CDKN2B-AS1: variants seen among roughly 807,000 people sequenced by gnomAD.
CDKN2B-AS1 encodes the protein CDKN2B and CDKN2A antisense cis and trans regulatory RNA 1.
rs75348903 is a variant in CDKN2B-AS1 at position 22,123,818 on chromosome 9, G to T, written n.439-3285G>T. On this transcript the variant is annotated intron_variant and non_coding_transcript_variant, in intron 4 of 4. Coordinates refer to ENST00000650946, the Ensembl canonical transcript of CDKN2B-AS1. The stretch of plus-strand genomic sequence containing the variant: ...GAGTGAGGAAGATTTAAAACAAATG[G>T]AGAAGACATTCTAAAATCAACTACA... Among the ~76,000 whole-genome samples the T allele has an allele frequency of 4.2e-3, 637 of 152,248 alleles. 10 individuals carry two copies. The highest frequency in any genetic ancestry group is 0.015 in the African/African-American group (603 of 41,558).
intron 4 of CDKN2B-AS1, among the ~76,000 whole-genome samples, chr9:22,079,860 G>A (rs556211990): frequency 1.5e-4 from 23 of 152,124 alleles, no homozygotes; most frequent in Non-Finnish European, 2.6e-4. Context: ...GTCACACTTC[G>A]TTGAAAACCT....
intron 4 of CDKN2B-AS1, among the ~76,000 whole-genome samples, chr9:22,123,336 C>T (rs992408954): frequency 1.3e-5 from 2 of 152,118 alleles, no homozygotes; most frequent in Non-Finnish European, 2.9e-5. Flanking sequence ...TTTGGATGTC[C>T]TTTATTTCTT....
intron 1 of CDKN2B-AS1, among the ~76,000 whole-genome samples, chr9:22,032,273 GA>G (rs1289234973): frequency 6.6e-6 from 1 of 152,166 alleles, no homozygotes; most frequent in African/African-American, 2.4e-5. Flanking sequence ...AGTTCTGATA[GA>G]ATTGTGACTT....
At position 21,999,653 on chromosome 9, in the gene CDKN2B-AS1, G is replaced by A. The variant is rs756676787; in HGVS notation, n.29+4492G>A. On this transcript the variant is annotated intron_variant and non_coding_transcript_variant, in intron 1 of 4. Coordinates refer to ENST00000650946, the Ensembl canonical transcript of CDKN2B-AS1. The surrounding 1 kb of genome is among the most constrained non-coding windows in gnomAD (Gnocchi z 4.7). ...ATAACTTGTATAAGTATGCAGAAAT[G>A]TTTCTTTATAGCAGTGTGTATTAGC... 6.6e-6 allele frequency among the ~76,000 whole-genome samples: 1 copy of A among 152,136 alleles called. No homozygotes were observed. The highest frequency in any genetic ancestry group is 1.5e-5 in the Non-Finnish European group (1 of 67,992).
At chr9:22,098,155 C>CTGTG (rs1414494905) in intron 4 of CDKN2B-AS1, among the ~76,000 whole-genome samples, 3 of 132,618 alleles carry the variant, frequency 2.3e-5, no homozygotes, top group African/African-American at 1.2e-4. Flanking sequence ...CTCTCTCTGT[C>CTGTG]TCTGTGTGTG....
chr9:22,017,813 A>C (rs1212899208), intron 1 of CDKN2B-AS1, among the ~76,000 whole-genome samples: 1 of 146,188 alleles, frequency 6.8e-6, no homozygotes, highest in African/African-American at 2.7e-5. Flanking sequence ...ATTGCATGCA[A>C]AGAGGTGTTG....
intron 4 of CDKN2B-AS1, among the ~76,000 whole-genome samples, chr9:22,106,695 C>A (rs879504204): frequency 6.6e-6 from 1 of 152,150 alleles, no homozygotes; most frequent in African/African-American, 2.4e-5. Context: ...TAGTGAGGTA[C>A]ATAACTGGGG....
At chr9:22,106,742 GT>G (rs1825670555) in intron 4 of CDKN2B-AS1, among the ~76,000 whole-genome samples, 1 of 152,116 alleles carries the variant, frequency 6.6e-6, no homozygotes, top group South Asian at 2.1e-4. Context: ...TGCTTTTTTA[GT>G]TATTAATAGT....
At chr9:22,013,344 T>C (rs1821595944) in intron 1 of CDKN2B-AS1, among the ~76,000 whole-genome samples, 1 of 152,254 alleles carries the variant, frequency 6.6e-6, no homozygotes, top group Admixed American at 6.5e-5. Flanking sequence ...TTTTCATTTC[T>C]TTTTAAACTG....
chr9:22,108,205 T>C (rs1825708957), intron 4 of CDKN2B-AS1, among the ~76,000 whole-genome samples: 1 of 152,228 alleles, frequency 6.6e-6, no homozygotes, highest in Non-Finnish European at 1.5e-5. Context: ...CCATTTTGAA[T>C]AAGTCAGTTC....
chr9:22,042,551 C>T (rs1822940372), intron 1 of CDKN2B-AS1, among the ~76,000 whole-genome samples: 1 of 152,114 alleles, frequency 6.6e-6, no homozygotes, highest in East Asian at 1.9e-4. Context: ...AAGAATAAAT[C>T]CCACCCTCCC....
At chr9:22,103,236 C>T (rs1254422752) in intron 4 of CDKN2B-AS1, among the ~76,000 whole-genome samples, 1 of 150,490 alleles carries the variant, frequency 6.6e-6, no homozygotes, top group African/African-American at 2.4e-5. Flanking sequence ...CCCACATATC[C>T]CAACTATGAC....
At chr9:22,026,612 T>C (rs912943237) in intron 1 of CDKN2B-AS1, among the ~76,000 whole-genome samples, 2 of 152,212 alleles carry the variant, frequency 1.3e-5, no homozygotes, top group African/African-American at 4.8e-5. Flanking sequence ...AAGTGGGGCC[T>C]GTAGACCTTC....
intron 4 of CDKN2B-AS1, among the ~76,000 whole-genome samples, chr9:22,100,515 A>G: frequency 6.6e-6 from 1 of 152,196 alleles, no homozygotes; most frequent in East Asian, 1.9e-4. Context: ...TTGTGTCTAC[A>G]AAATACTCTA....
rs375960224 is a variant in CDKN2B-AS1 at position 22,087,350 on chromosome 9, C to T, written n.438+30963C>T. Among the ~76,000 whole-genome samples, 42 of 152,234 alleles carry T rather than the reference C, an allele frequency of 2.8e-4. 1 individual carries two copies. In the South Asian group the frequency reaches 7.5e-3, roughly 27 times the overall value. ...GTCTGAGGATACAATTACATGCTAC[C>T]GGTGGCAGAGGACAGTATAGCAAGA... On this transcript the variant is annotated intron_variant and non_coding_transcript_variant, in intron 4 of 4. Transcript: ENST00000650946.
At position 22,024,712 on chromosome 9, in the gene CDKN2B-AS1, G is replaced by A. The variant is rs536470922; in HGVS notation, n.30-22039G>A. Among the ~76,000 whole-genome samples the A allele has an allele frequency of 2.6e-5, 4 of 152,332 alleles. No homozygotes were observed. In the South Asian group the frequency reaches 8.3e-4, roughly 32 times the overall value. On this transcript the variant is annotated intron_variant and non_coding_transcript_variant, in intron 1 of 4. Transcript: ENST00000650946. ...CCTGTATGCTAGTGGGGCAACTAAA[G>A]CAAATTCCACCTGTGCAGACATGTG...
intron 4 of CDKN2B-AS1, among the ~76,000 whole-genome samples, chr9:22,101,539 G>T (rs937880826): frequency 6.6e-6 from 1 of 151,994 alleles, no homozygotes; most frequent in East Asian, 1.9e-4. Flanking sequence ...ATCTATTAAA[G>T]CTTTGTGGCA....
chr9:22,098,464 G>C (rs1825367260), intron 4 of CDKN2B-AS1, among the ~76,000 whole-genome samples: 1 of 150,620 alleles, frequency 6.6e-6, no homozygotes, highest in Non-Finnish European at 1.5e-5. Context: ...AACACGATAT[G>C]TATCACCTTT....
At chr9:22,022,156 A>G (rs1041424490) in intron 1 of CDKN2B-AS1, among the ~76,000 whole-genome samples, 3 of 151,714 alleles carry the variant, frequency 2.0e-5, no homozygotes, top group African/African-American at 4.8e-5. Flanking sequence ...AGAGTTTTGT[A>G]TATATCTATC....
Sources: allele counts gnomAD v4.1 joint callset (sites outside exome capture counted in the v4.1 genomes callset), GRCh38; gene constraint gnomAD v4.1.1; non-coding constraint Gnocchi (gnomAD v3.1); transcripts MANE v1.5; gene names NCBI Gene and HGNC (gene_info 2026-07-23, HGNC 2026-07-21).